The following ATXN7L1 variants were observed in gnomAD, a reference collection of about 807,000 sequenced individuals.
The protein encoded by ATXN7L1 is ataxin-7-like protein 1.
In ATXN7L1, 15 loss-of-function variants were observed where a neutral mutation model predicts 70.8. That is an observed-to-expected ratio of 0.21 (90% confidence interval 0.14 to 0.33). ATXN7L1 has a LOEUF of 0.33. Ranked by LOEUF, ATXN7L1 falls within the 10% of genes least tolerant of loss-of-function variation. The pLI, the probability that ATXN7L1 is intolerant of heterozygous loss-of-function variation, is 1.00. For synonymous variants in ATXN7L1, 440 were observed against 445.1 expected (o/e 0.99, Z 0.14); for missense variants, 975 against 1,097.1 (o/e 0.89, Z 1.57).
intron 3 of ATXN7L1, among the ~76,000 whole-genome samples, chr7:105,728,766 A>G (rs981521080): frequency 2.0e-5 from 3 of 152,214 alleles, no homozygotes; most frequent in Non-Finnish European, 4.4e-5. Flanking sequence ...GGCATCTTAC[A>G]GTACCAGAAA....
intron 3 of ATXN7L1, among the ~76,000 whole-genome samples, chr7:105,743,539 A>G (rs1798247906): frequency 1.3e-5 from 2 of 152,062 alleles, no homozygotes; most frequent in Non-Finnish European, 2.9e-5. Context: ...GAGCTCTCCA[A>G]GGTTCCCTGT....
At chr7:105,826,344 T>C (rs1810867331) in intron 2 of ATXN7L1, among the ~76,000 whole-genome samples, 1 of 152,224 alleles carries the variant, frequency 6.6e-6, no homozygotes, top group South Asian at 2.1e-4. Context: ...AGGTCTCAGT[T>C]GCTTCATCTA....
intron 3 of ATXN7L1, among the ~76,000 whole-genome samples, chr7:105,775,735 C>A (rs750753119): frequency 1.3e-5 from 2 of 152,104 alleles, no homozygotes; most frequent in Non-Finnish European, 2.9e-5. Context: ...AGACACCAGA[C>A]GAAAGGGTGA....
intron 2 of ATXN7L1, among the ~76,000 whole-genome samples, chr7:105,820,568 T>G (rs985097624): frequency 1.3e-5 from 2 of 152,206 alleles, no homozygotes; most frequent in Non-Finnish European, 2.9e-5. Flanking sequence ...CTTTCTTACT[T>G]GCACTCCAGT....
chr7:105,715,384 ACT>A (rs1034465527), intron 3 of ATXN7L1, among the ~76,000 whole-genome samples: 3 of 152,114 alleles, frequency 2.0e-5, no homozygotes, highest in African/African-American at 2.4e-5. Flanking sequence ...CCCAGGAAAG[ACT>A]CTGTAAATAG....
intron 2 of ATXN7L1, among the ~76,000 whole-genome samples, chr7:105,817,976 T>C (rs1809450794): frequency 6.6e-6 from 1 of 152,224 alleles, no homozygotes. Flanking sequence ...CTTTGTGCTA[T>C]TCTTATTTTT....
intron 2 of ATXN7L1, among the ~76,000 whole-genome samples, chr7:105,864,857 G>A (rs1817177033): frequency 6.6e-6 from 1 of 151,910 alleles, no homozygotes; most frequent in Non-Finnish European, 1.5e-5. Flanking sequence ...GGCTGGTCTC[G>A]AACTCCTGAC....
intron 3 of ATXN7L1, among the ~76,000 whole-genome samples, chr7:105,687,514 G>C (rs1790092860): frequency 6.6e-6 from 1 of 152,198 alleles, no homozygotes; most frequent in South Asian, 2.1e-4. Flanking sequence ...GGCGGCAAGA[G>C]GGCAGCCATC....
intron 3 of ATXN7L1, among the ~76,000 whole-genome samples, chr7:105,735,801 C>A (rs1050265938): frequency 6.6e-6 from 1 of 152,020 alleles, no homozygotes; most frequent in African/African-American, 2.4e-5. Context: ...AGATTTCCTG[C>A]TATGGATGGG....
At chr7:105,640,352 G>A (rs897190880) in intron 5 of ATXN7L1, among the ~76,000 whole-genome samples, 2 of 151,908 alleles carry the variant, frequency 1.3e-5, no homozygotes, top group African/African-American at 4.8e-5. Flanking sequence ...GATGAAGGAT[G>A]TCTGTGCGGA....
chr7:105,788,990 T>A (rs1203710817), intron 2 of ATXN7L1, among the ~76,000 whole-genome samples: 3 of 152,224 alleles, frequency 2.0e-5, no homozygotes, highest in Admixed American at 6.5e-5. Context: ...TCACATGCTA[T>A]GGGAATCACC....
intron 3 of ATXN7L1, among the ~76,000 whole-genome samples, chr7:105,731,383 A>T (rs1403323901): frequency 6.6e-6 from 1 of 151,878 alleles, no homozygotes; most frequent in South Asian, 2.1e-4. Context: ...TAAAAAATAA[A>T]GTCTCTTTAA....
chr7:105,757,642 C>T (rs958127465), intron 3 of ATXN7L1, among the ~76,000 whole-genome samples: 20 of 144,270 alleles, frequency 1.4e-4, no homozygotes, highest in South Asian at 4.4e-4. Flanking sequence ...TGCAGTGGCA[C>T]GGTCACAGCT....
At chr7:105,618,097 C>G (rs779309425) in intron 9 of ATXN7L1, 2 of 456,304 alleles carry the variant, frequency 4.4e-6, no homozygotes, top group South Asian at 3.1e-5. Flanking sequence ...GGTTTCTGTG[C>G]CTGAGGAGGA....
At chr7:105,646,880 G>A (rs1014456390) in intron 4 of ATXN7L1, among the ~76,000 whole-genome samples, 14 of 152,226 alleles carry the variant, frequency 9.2e-5, no homozygotes, top group South Asian at 2.1e-4. Flanking sequence ...GGAGTTTGGG[G>A]CTGCAGAGAG....
intron 4 of ATXN7L1, among the ~76,000 whole-genome samples, chr7:105,653,373 AG>A (rs1800145980): frequency 6.6e-6 from 1 of 152,046 alleles, no homozygotes; most frequent in African/African-American, 2.4e-5. Flanking sequence ...GCTTGAACCC[AG>A]GGGATGGAGG....
intron 7 of ATXN7L1, among the ~76,000 whole-genome samples, chr7:105,627,841 GTTT>G (rs36028028): frequency 1.2e-5 from 1 of 86,444 alleles, no homozygotes; most frequent in Non-Finnish European, 2.0e-5. Flanking sequence ...CCTGTCTTTA[GTTT>G]TTTTTTTTTT....
At chr7:105,746,569 C>T (rs569132885) in intron 3 of ATXN7L1, among the ~76,000 whole-genome samples, 3 of 152,288 alleles carry the variant, frequency 2.0e-5, no homozygotes, top group Non-Finnish European at 4.4e-5. Context: ...TTACCTTGTG[C>T]AAAAGAGCAC....
chr7:105,872,939 G>A (rs1006921669), intron 2 of ATXN7L1, among the ~76,000 whole-genome samples: 1 of 151,906 alleles, frequency 6.6e-6, no homozygotes, highest in African/African-American at 2.4e-5. Context: ...TGGATCACGA[G>A]GTCAGGAGAT....
Sources: gnomAD v4.1 joint callset for allele counts (sites outside exome capture counted in the v4.1 genomes callset) on GRCh38, gnomAD v4.1.1 for gene constraint, MANE v1.5 for transcripts, NCBI Gene and HGNC (gene_info 2026-07-23, HGNC 2026-07-21) for gene names.